Variants in CAGE1 observed in about 807,000 individuals in gnomAD.
CAGE1 encodes cancer antigen 1.
CAGE1 carries 66 observed loss-of-function variants against 94.9 expected under a neutral mutation model. The observed-to-expected ratio is 0.70, with a 90% CI of 0.57 to 0.85. The LOEUF (loss-of-function observed/expected upper bound fraction) is 0.85, where lower values mean the gene tolerates loss of function less well. CAGE1 is among the 40% of genes least tolerant of loss of function. The pLI is 0.00. For synonymous variants in CAGE1, 319 were observed against 321.0 expected, an observed-to-expected ratio of 0.99 and a Z score of 0.07; for missense variants, 865 against 950.4, an observed-to-expected ratio of 0.91 and a Z score of 1.18.
At chr6:7,377,958 G>A (rs1445728366) in intron 4 of CAGE1, among the ~76,000 whole-genome samples, 1 of 152,128 alleles carries the variant, frequency 6.6e-6, no homozygotes, top group Admixed American at 6.5e-5. Flanking sequence ...AGTAGAAAAA[G>A]TAGTATTTTT....
rs141777143 is a variant in CAGE1, at chr6:7,362,616, C to G, written c.2193+2852G>C. Among the ~76,000 whole-genome samples, 1,705 of 152,260 alleles carry G rather than the reference C, an allele frequency of 0.011. 27 individuals are homozygous for G. The highest frequency in any genetic ancestry group is 0.039 in the African/African-American group (1,628 of 41,526). ...GTCAGAAGGACATGAGAGAAGCACG[C>G]GACGATGTGCCAAGGGAAGCATGAG... On this transcript the variant is annotated intron_variant, in intron 9 of 13. Transcript: ENST00000502583. The surrounding 1 kb of genome is among the most constrained non-coding windows in gnomAD (Gnocchi z 4.1).
chr6:7,373,042 C>T (rs368614140), intron 5 of CAGE1, 31 bp downstream of exon 5: 201 of 1,473,574 alleles, frequency 1.4e-4, no homozygotes, highest in African/African-American at 1.7e-4. Flanking sequence ...CTTGAAATTC[C>T]GCATTAGAGA....
In CAGE1 at chr6:7,328,932, A is replaced by ATTTT. The variant is rs556084338; in HGVS notation, c.2478+916_2478+917insAAAA. ...TGTGTGTGTGTGTATATATATATATATATTTTTTTTTTTTTTTGAGATAGA... is the reference window on the plus strand; with the variant it reads ...TGTGTGTGTGTGTATATATATATATATTTTTATTTTTTTTTTTTTTTGAGATAGA... On this transcript the variant is annotated intron_variant, in intron 13 of 13. Coordinates refer to ENST00000502583, the MANE Select transcript of CAGE1 (RefSeq NM_001170692.2). Among the ~76,000 whole-genome samples, 480 of 103,574 alleles carry ATTTT rather than the reference A, an allele frequency of 4.6e-3. 24 individuals are homozygous for ATTTT. The highest frequency in any genetic ancestry group is 0.015 in the African/African-American group (447 of 28,858). 67.9% of individuals were successfully genotyped at this position (103,574 alleles called of 152,430 possible). A position where few individuals can be genotyped will look rare whatever the true frequency, so the allele number is the denominator to read the frequency against.
At chr6:7,369,033 G>C (rs1276786083) in intron 6 of CAGE1, among the ~76,000 whole-genome samples, 1 of 145,750 alleles carries the variant, frequency 6.9e-6, no homozygotes, top group Non-Finnish European at 1.5e-5. Flanking sequence ...TTTTGAGATA[G>C]AGTTTTGCTC....
chr6:7,373,325 G>T lies in CAGE1; in HGVS notation c.1494C>A (p.Asn498Lys). 6.2e-7 allele frequency: 1 copy of T among 1,610,206 alleles called. No individual in the cohort carries two copies. Among genetic ancestry groups the T allele is most frequent in the Admixed American group, 1.7e-5 (1 of 59,284 alleles). ...QEEFQKLEKE[N>K]LEERQKLKSR... ...ATTTCAGTTTCTGTCTTTCTTCCAG[G>T]TTTTCCTTTTCAAGTTTCTGGAATT... Residue 498 changes from asparagine to lysine, a missense_variant, in exon 5 of 14, where the codon AAC (asparagine) becomes AAA (lysine). Physicochemically the swap from Asn to Lys is moderately conservative, Grantham distance 94. Transcript: ENST00000502583.
Position 7,373,173 on chromosome 6 carries a change from T to C in CAGE1, c.1646A>G (p.Gln549Arg), listed in dbSNP as rs142041363. 143 of 1,613,842 alleles carry C rather than the reference T, an allele frequency of 8.9e-5. No individual in the cohort carries two copies. In the Middle Eastern group the frequency reaches 2.0e-3, roughly 22 times the overall value. Residue 549 changes from glutamine (Q) to arginine (R), a missense_variant, in exon 5 of 14, where the codon CAG becomes CGG. Gln to Arg is a conservative substitution (Grantham distance 43). Coordinates refer to ENST00000502583, the MANE Select transcript of CAGE1 (RefSeq NM_001170692.2). The part of the protein sequence containing the change: ...EVKNENAKLK[Q>R]QVARSEEQNY... The stretch of plus-strand genomic sequence containing the variant: ...TTGCTCTTCACTCCTTGCAACCTGC[T>C]GTTTAAGTTTTGCATTCTCATTTTT...
rs1759077072 is a variant in CAGE1, at chr6:7,339,180, CCA to C, written c.2370-5092_2370-5091del. The C allele has an allele frequency of 6.6e-7, 1 of 1,518,044 alleles. No individual in the cohort carries two copies. The highest frequency in any genetic ancestry group is 1.7e-5 in the Admixed American group (1 of 59,890). 94.0% of individuals were successfully genotyped at this position (1,518,044 alleles called of 1,614,324 possible). A position where few individuals can be genotyped will look rare whatever the true frequency, so the allele number is the denominator to read the frequency against. On this transcript the variant is annotated intron_variant, in intron 11 of 13. Coordinates refer to ENST00000502583, the MANE Select transcript of CAGE1 (RefSeq NM_001170692.2). This position sits in a 1 kb window ranked among gnomAD's most constrained non-coding sequence, Gnocchi z 4.7. ...CACCACGACCTCACAGCCTTTGGCC[CCA>C]GTTTCCATGATGAACCGCGACACAC...
chr6:7,340,696 T>C (rs1974043), intron 11 of CAGE1, among the ~76,000 whole-genome samples: 84,429 of 152,102 alleles, frequency 0.56, 26,100 homozygotes, highest in African/African-American at 0.84. Context: ...TTTTCTTAGT[T>C]GCAGCACTGA....
At chr6:7,365,962 C>T (rs1760317901) in intron 7 of CAGE1, 78 bp from the exon 8 acceptor site, 13 of 909,138 alleles carry the variant, frequency 1.4e-5, no homozygotes, top group Non-Finnish European at 2.0e-5. Flanking sequence ...ATAATCAAAC[C>T]GGGCCGGGCG....
At chr6:7,326,925 G>C (rs367911590) in intron 13 of CAGE1, 26 bp from the exon 14 acceptor site, 3 of 1,562,504 alleles carry the variant, frequency 1.9e-6, no homozygotes, top group Non-Finnish European at 2.6e-6. Context: ...AAAATGTTTC[G>C]TAAGTTTTGG....
intron 9 of CAGE1, among the ~76,000 whole-genome samples, chr6:7,361,988 G>T (rs1760180510): frequency 6.6e-6 from 1 of 152,186 alleles, no homozygotes; most frequent in African/African-American, 2.4e-5. Flanking sequence ...CCAGATACAG[G>T]TGGGTCCCTT....
intron 1 of CAGE1, among the ~76,000 whole-genome samples, chr6:7,388,799 T>C (rs547193867): frequency 6.6e-6 from 1 of 152,312 alleles, no homozygotes; most frequent in African/African-American, 2.4e-5. Flanking sequence ...TGCTCACTTC[T>C]CCCTTGTCTT....
intron 10 of CAGE1, among the ~76,000 whole-genome samples, chr6:7,355,340 G>A (rs1346303215): frequency 6.6e-6 from 1 of 152,172 alleles, no homozygotes; most frequent in Non-Finnish European, 1.5e-5. Flanking sequence ...ACAGTAATGA[G>A]TCAACCATAA....
rs1257284458 is a variant in CAGE1 at position 7,331,088 on chromosome 6, A to G, written c.2439-1200T>C. 1.3e-5 allele frequency among the ~76,000 whole-genome samples: 2 copies of G among 152,176 alleles called. 1 individual carries two copies. The highest frequency in any genetic ancestry group is 3.8e-4 in the East Asian group (2 of 5,196). On this transcript the variant is annotated intron_variant, in intron 12 of 13. Transcript: ENST00000502583. ...GGGAAAAAGTCATAGTTAACCTATC[A>G]CTTGCAAATGCTAGTTTAAATCTGC...
intron 11 of CAGE1, among the ~76,000 whole-genome samples, chr6:7,345,055 G>A (rs900622992): frequency 1.9e-4 from 29 of 152,292 alleles, no homozygotes; most frequent in African/African-American, 5.5e-4. Flanking sequence ...AGCGGCAGAT[G>A]GCTGGTGTTG....
chr6:7,334,994 T>C (rs1042709180), intron 11 of CAGE1, among the ~76,000 whole-genome samples: 1 of 152,170 alleles, frequency 6.6e-6, no homozygotes, highest in African/African-American at 2.4e-5. Flanking sequence ...TTGGCAGGGA[T>C]GTCCACCCTC....
chr6:7,342,378 T>C (rs567445794), intron 11 of CAGE1, among the ~76,000 whole-genome samples: 6 of 152,312 alleles, frequency 3.9e-5, no homozygotes, highest in East Asian at 1.9e-4. Context: ...ATCAGCTGCA[T>C]GAAGTACTCC....
intron 11 of CAGE1, chr6:7,342,095 C>T (rs1581662511): frequency 2.1e-6 from 2 of 940,644 alleles, no homozygotes; most frequent in East Asian, 2.4e-5. Context: ...ATGTCAATCC[C>T]ACAGTTGGAT....
Position 7,342,276 on chromosome 6 carries a change from C to T in CAGE1, c.2370-8186G>A, listed in dbSNP as rs1759210259. Among the ~76,000 whole-genome samples the T allele has an allele frequency of 1.3e-5, 2 of 152,210 alleles. 1 individual carries two copies. Among genetic ancestry groups the T allele is most frequent in the South Asian group, 4.1e-4 (2 of 4,832 alleles). The stretch of plus-strand genomic sequence containing the variant: ...TGGCCCCAGACTATAGGAGCTGGAT[C>T]ATCTGGCACATTAAGCGACCCAGAA... On this transcript the variant is annotated intron_variant, in intron 11 of 13. Transcript: ENST00000502583.
Sources: gnomAD v4.1 joint callset for allele counts (sites outside exome capture counted in the v4.1 genomes callset) on GRCh38, gnomAD v4.1.1 for gene constraint, Gnocchi (gnomAD v3.1) non-coding constraint, MANE v1.5 for transcripts, NCBI Gene and HGNC (gene_info 2026-07-23, HGNC 2026-07-21) for gene names.